MAPK4: variants seen among roughly 807,000 people sequenced by gnomAD.
MAPK4 encodes mitogen-activated protein kinase 4.
A neutral mutation model predicts 47.7 loss-of-function variants in MAPK4; 22 were observed. That is an observed-to-expected ratio of 0.46 (90% CI 0.33 to 0.66). The LOEUF (loss-of-function observed/expected upper bound fraction) is 0.66. Among genes scored for constraint, MAPK4 ranks in the 30% least tolerant of loss-of-function variants. The probability of loss-of-function intolerance (pLI) is 0.02; values close to 1 mark genes in which losing one functional copy is unlikely to be tolerated. For synonymous variants in MAPK4, 390 were observed against 365.7 expected (o/e 1.07, Z -0.76); for missense variants, 736 against 831.7 (o/e 0.88, Z 1.42).
Position 50,664,027 on chromosome 18 carries a change from C to T in MAPK4, c.69C>T (p.Phe23=), listed in dbSNP as rs1907437231. 3 of 1,612,934 alleles carry T rather than the reference C, an allele frequency of 1.9e-6. No individual in the cohort carries two copies. In the East Asian group the frequency reaches 6.7e-5, roughly 36 times the overall value. ...ACCTCGGTGGGCGCTTTGTTGACTT[C>T]CAACCCCTGGGCTTCGGTGTCAATG... ...GYDLGGRFVD[F]QPLGFGVNGL... is the part of the protein sequence containing the mutation. The change falls in exon 2 of 6, where the codon TTC becomes TTT. Residue 23 remains phenylalanine (F), a synonymous_variant. Transcript: ENST00000400384. This position sits in a 1 kb window ranked among gnomAD's most constrained non-coding sequence, Gnocchi z 6.0.
At chr18:50,598,011 T>A (rs984543223) in intron 1 of MAPK4, among the ~76,000 whole-genome samples, 1 of 152,224 alleles carries the variant, frequency 6.6e-6, no homozygotes, top group Non-Finnish European at 1.5e-5. Flanking sequence ...TGAAACAACT[T>A]TTTTAGTCCC....
chr18:50,615,359 A>G (rs1316306225), intron 1 of MAPK4, among the ~76,000 whole-genome samples: 3 of 152,200 alleles, frequency 2.0e-5, no homozygotes, highest in African/African-American at 7.2e-5. Flanking sequence ...GCAGTCCACC[A>G]TGGCACAGCA....
chr18:50,683,687 G>A (rs550148912), intron 2 of MAPK4, among the ~76,000 whole-genome samples: 2 of 152,248 alleles, frequency 1.3e-5, no homozygotes, highest in South Asian at 4.1e-4. Context: ...TTATATTTAA[G>A]TGGAAAACTT....
intron 2 of MAPK4, among the ~76,000 whole-genome samples, chr18:50,671,725 A>C (rs1490433026): frequency 6.6e-6 from 1 of 151,950 alleles, no homozygotes; most frequent in Non-Finnish European, 1.5e-5. Context: ...CCATGTCTAC[A>C]AAAAATAAGA....
intron 2 of MAPK4, among the ~76,000 whole-genome samples, chr18:50,674,583 G>T (rs1908153424): frequency 6.6e-6 from 1 of 152,042 alleles, no homozygotes; most frequent in Non-Finnish European, 1.5e-5. Context: ...GACAGCTCTG[G>T]TCCCACACAC....
intron 1 of MAPK4, among the ~76,000 whole-genome samples, chr18:50,612,268 G>T (rs1157047123): frequency 6.6e-6 from 1 of 152,192 alleles, no homozygotes; most frequent in African/African-American, 2.4e-5. Flanking sequence ...CCTGAACAAG[G>T]TTTTACACCT....
At position 50,614,388 on chromosome 18, in the gene MAPK4, A is replaced by G. The variant is rs749188567; in HGVS notation, c.-870-48701A>G. On this transcript the variant is annotated intron_variant, in intron 1 of 5. Transcript: ENST00000400384. ...TCAAAAATTTTAAACAGTATTTAAA[A>G]TATCTAAATATCTAAAATTTAAGAT... Among the ~76,000 whole-genome samples the G allele has an allele frequency of 4.6e-5, 7 of 152,262 alleles. No homozygotes were observed. In the South Asian group the frequency reaches 1.4e-3, roughly 32 times the overall value.
chr18:50,645,394 G>C (rs1265918120), intron 1 of MAPK4, among the ~76,000 whole-genome samples: 1 of 152,188 alleles, frequency 6.6e-6, no homozygotes, highest in East Asian at 1.9e-4. Context: ...ACAGCACCAT[G>C]AGCTCTCAAA....
intron 2 of MAPK4, among the ~76,000 whole-genome samples, chr18:50,694,531 G>A (rs1226981785): frequency 6.6e-6 from 1 of 152,230 alleles, no homozygotes; most frequent in African/African-American, 2.4e-5. Context: ...GCTCATGGCT[G>A]TATCTCCCCA....
chr18:50,680,300 C>T (rs1908520486), intron 2 of MAPK4, among the ~76,000 whole-genome samples: 1 of 151,836 alleles, frequency 6.6e-6, no homozygotes, highest in African/African-American at 2.4e-5. Flanking sequence ...CCACATTGGC[C>T]AGGCTGGTCT....
At chr18:50,594,737 T>C (rs893972186) in intron 1 of MAPK4, among the ~76,000 whole-genome samples, 3 of 152,178 alleles carry the variant, frequency 2.0e-5, no homozygotes, top group African/African-American at 7.2e-5. Flanking sequence ...AATTAGAATT[T>C]ATCAAAACCA....
At chr18:50,702,190 A>G (rs1004571001) in intron 2 of MAPK4, among the ~76,000 whole-genome samples, 10 of 148,154 alleles carry the variant, frequency 6.7e-5, no homozygotes, top group Non-Finnish European at 1.5e-4. Context: ...AAAATCAACC[A>G]TTCTAAAGTA....
intron 1 of MAPK4, among the ~76,000 whole-genome samples, chr18:50,589,613 A>G (rs1433474715): frequency 6.6e-6 from 1 of 151,514 alleles, no homozygotes; most frequent in Non-Finnish European, 1.5e-5. Flanking sequence ...AAAAAAAAAA[A>G]TTAACTCTAA....
At chr18:50,562,177 T>TA (rs536113485) in intron 1 of MAPK4, among the ~76,000 whole-genome samples, 41 of 152,052 alleles carry the variant, frequency 2.7e-4, no homozygotes, top group Middle Eastern at 3.4e-3. Flanking sequence ...TTTCAATTAC[T>TA]AAAAAAAAGC....
rs1025666402 is a variant in MAPK4 at position 50,726,306 on chromosome 18, C to A, written c.1067+131C>A. On this transcript the variant is annotated intron_variant, in intron 5 of 5. Transcript: ENST00000400384. ...TCATTGGACGACTTCTCCAGCTTAG[C>A]TTCCTGCCTTTCTCTTGTGCCCAGA... 3.6e-6 allele frequency: 3 copies of A among 827,486 alleles called. No homozygotes were observed. The African/African-American group carries it at 5.0e-5, about 14-fold the overall frequency. 51.3% of individuals were successfully genotyped at this position (827,486 alleles called of 1,614,324 possible). A position where few individuals can be genotyped will look rare whatever the true frequency, so the allele number is the denominator to read the frequency against.
intron 2 of MAPK4, among the ~76,000 whole-genome samples, chr18:50,671,937 C>T (rs1907979515): frequency 6.6e-6 from 1 of 151,790 alleles, no homozygotes; most frequent in Admixed American, 6.6e-5. Flanking sequence ...TTTCCTCCCT[C>T]TCCTGGGCAC....
At chr18:50,618,767 T>C (rs761615272) in intron 1 of MAPK4, among the ~76,000 whole-genome samples, 3 of 152,192 alleles carry the variant, frequency 2.0e-5, no homozygotes, top group East Asian at 1.9e-4. Flanking sequence ...ACTGGCTTCA[T>C]TGGTAAAAGC....
rs553427170 is a variant in MAPK4 at position 50,729,632 on chromosome 18, C to G, written c.1542C>G (p.Pro514=). Residue 514 remains proline (P), a synonymous_variant, in exon 6 of 6, where the codon CCC becomes CCG. Transcript: ENST00000400384. ...PEHASPPADD[P]ERRLSASPPG... ...ACGCCAGCCCGCCCGCCGACGACCC[C>G]GAGCGCCGCTTGTCTGCCTCGCCCC... is the stretch of plus-strand genomic sequence containing the variant. 2 of 1,448,886 alleles carry G rather than the reference C, an allele frequency of 1.4e-6. No individual in the cohort carries two copies. Among genetic ancestry groups the G allele is most frequent in the Non-Finnish European group, 9.1e-7 (1 of 1,100,122 alleles). 89.8% of individuals were successfully genotyped at this position (1,448,886 alleles called of 1,614,324 possible). A position where few individuals can be genotyped will look rare whatever the true frequency, so the allele number is the denominator to read the frequency against.
chr18:50,561,539 T>C (rs1253384283), intron 1 of MAPK4, among the ~76,000 whole-genome samples: 1 of 152,240 alleles, frequency 6.6e-6, no homozygotes, highest in African/African-American at 2.4e-5. Context: ...GACCTTATTG[T>C]AATATGTATT....
Sources: gnomAD v4.1 joint callset for allele counts (sites outside exome capture counted in the v4.1 genomes callset) on GRCh38, gnomAD v4.1.1 for gene constraint, Gnocchi (gnomAD v3.1) non-coding constraint, MANE v1.5 for transcripts, NCBI Gene and HGNC (gene_info 2026-07-23, HGNC 2026-07-21) for gene names.